The following RTN1 variants were observed in gnomAD, a reference collection of about 807,000 sequenced individuals.
RTN1 encodes reticulon-1.
RTN1 carries 25 observed loss-of-function variants against 65.5 expected under a neutral mutation model. The ratio of observed to expected loss-of-function variants is 0.38; its 90% CI spans 0.28 to 0.53. The LOEUF is 0.53. Among genes scored for constraint, RTN1 ranks in the 20% least tolerant of loss-of-function variants. The probability of loss-of-function intolerance (pLI) is 0.79; values close to 1 mark genes in which losing one functional copy is unlikely to be tolerated. For synonymous variants in RTN1, 471 were observed against 447.6 expected (o/e 1.05, Z -0.66); for missense variants, 983 against 1,025.4 (o/e 0.96, Z 0.57).
At chr14:59,706,624 G>T (rs191871441) in intron 3 of RTN1, among the ~76,000 whole-genome samples, 1 of 152,338 alleles carries the variant, frequency 6.6e-6, no homozygotes, top group East Asian at 1.9e-4. Flanking sequence ...GTGTGCACAC[G>T]TGTGAGCAAA....
intron 3 of RTN1, among the ~76,000 whole-genome samples, chr14:59,653,479 A>AT (rs1883060457): frequency 6.6e-6 from 1 of 152,154 alleles, no homozygotes; most frequent in Non-Finnish European, 1.5e-5. Context: ...CAGAAATAGT[A>AT]AATATTTTGG....
At chr14:59,648,148 A>G (rs188319446) in intron 3 of RTN1, among the ~76,000 whole-genome samples, 28 of 152,336 alleles carry the variant, frequency 1.8e-4, no homozygotes, top group Non-Finnish European at 2.8e-4. Flanking sequence ...ACAGACTATT[A>G]TGAACACCTC....
chr14:59,866,308 T>G (rs190499401), intron 1 of RTN1, among the ~76,000 whole-genome samples: 109 of 152,206 alleles, frequency 7.2e-4, no homozygotes, highest in Non-Finnish European at 1.3e-3. Flanking sequence ...ATAAAAGCTT[T>G]CTGTAATCCT....
rs1215617385 is a variant in RTN1 at position 59,689,794 on chromosome 14, G to A, written c.1765+37125C>T. On this transcript the variant is annotated intron_variant, in intron 3 of 8. Coordinates refer to ENST00000267484, the MANE Select transcript of RTN1 (RefSeq NM_021136.3). ...CTACTATTAGACCAACCTTACAAGC[G>A]ATCTTTGAGAGAGTTCTAAACATAA... is the stretch of plus-strand genomic sequence containing the variant. 3.9e-5 allele frequency among the ~76,000 whole-genome samples: 6 copies of A among 152,066 alleles called. No homozygotes were observed. The South Asian group carries it at 8.3e-4, about 21-fold the overall frequency.
chr14:59,810,586 T>C (rs1410526212), intron 1 of RTN1, among the ~76,000 whole-genome samples: 1 of 152,164 alleles, frequency 6.6e-6, no homozygotes, highest in Non-Finnish European at 1.5e-5. Context: ...CATGGCCTTT[T>C]GGGAGACTAA....
At chr14:59,685,789 C>A (rs1049098470) in intron 3 of RTN1, among the ~76,000 whole-genome samples, 1 of 152,138 alleles carries the variant, frequency 6.6e-6, no homozygotes, top group Admixed American at 6.6e-5. Flanking sequence ...ATACCAATGA[C>A]CTTCTTCAAA....
rs73309664 is a variant in RTN1 at position 59,670,591 on chromosome 14, A to T, written c.1765+56328T>A. On this transcript the variant is annotated intron_variant, in intron 3 of 8. Transcript: ENST00000267484. ...TCAGAAAAACTCACATCTGATGTTA[A>T]ACTTGAAGTGAAAAGAAGTTTGACC... 2.9e-3 allele frequency among the ~76,000 whole-genome samples: 441 copies of T among 152,348 alleles called. 1 individual carries two copies. The highest frequency in any genetic ancestry group is 0.01 in the African/African-American group (432 of 41,582).
chr14:59,603,286 A>C, intron 6 of RTN1, 28 bp from the exon 7 acceptor site: 5 of 1,580,874 alleles, frequency 3.2e-6, no homozygotes, highest in Non-Finnish European at 4.3e-6. Context: ...TATAGTATTA[A>C]AATTCTGAGT....
intron 1 of RTN1, among the ~76,000 whole-genome samples, chr14:59,748,346 T>C (rs1885273381): frequency 6.6e-6 from 1 of 151,992 alleles, no homozygotes; most frequent in African/African-American, 2.4e-5. Flanking sequence ...ACAAAGCCTC[T>C]TCCCTGTTCT....
At chr14:59,682,737 T>TA (rs745866355) in intron 3 of RTN1, among the ~76,000 whole-genome samples, 4 of 152,154 alleles carry the variant, frequency 2.6e-5, no homozygotes, top group Admixed American at 2.0e-4. Context: ...TAAGCATTGC[T>TA]AAAAAAGGCT....
At chr14:59,721,188 C>T (rs1884639725) in intron 3 of RTN1, among the ~76,000 whole-genome samples, 1 of 152,182 alleles carries the variant, frequency 6.6e-6, no homozygotes, top group African/African-American at 2.4e-5. Flanking sequence ...AGCCATCCCA[C>T]AAATCACCCC....
intron 3 of RTN1, among the ~76,000 whole-genome samples, chr14:59,719,112 T>C (rs985895826): frequency 6.6e-6 from 1 of 152,176 alleles, no homozygotes; most frequent in Non-Finnish European, 1.5e-5. Flanking sequence ...CATGTCACTT[T>C]CTAGTTTAAA....
At chr14:59,605,345 G>A (rs765447478) in intron 5 of RTN1, 23 bp downstream of exon 5, 2 of 1,607,184 alleles carry the variant, frequency 1.2e-6, no homozygotes, top group African/African-American at 2.7e-5. Context: ...AGACTGTGAA[G>A]TGAACAGCTT....
Position 59,750,302 on chromosome 14 carries a change from A to C in RTN1, c.242-3821T>G, listed in dbSNP as rs749775256. Among the ~76,000 whole-genome samples, 59 of 39,296 alleles carry C rather than the reference A, an allele frequency of 1.5e-3. 2 individuals carry two copies. The highest frequency in any genetic ancestry group is 1.2e-3 in the African/African-American group (10 of 8,040). The allele number at this position is 39,296 out of a possible 152,430, so 25.8% of individuals were successfully genotyped here. A position where few individuals can be genotyped will look rare whatever the true frequency, so the allele number is the denominator to read the frequency against. ...ATATAATATATATAATATCTATAAT[A>C]TATAATATATAATATCTATAATATA... On this transcript the variant is annotated intron_variant, in intron 1 of 8. Transcript: ENST00000267484.
chr14:59,691,123 A>G (rs1348636087), intron 3 of RTN1, among the ~76,000 whole-genome samples: 1 of 152,098 alleles, frequency 6.6e-6, no homozygotes, highest in Non-Finnish European at 1.5e-5. Flanking sequence ...CCAAAAATCC[A>G]TGCAAACCTA....
At chr14:59,805,445 G>C (rs2139605874) in intron 1 of RTN1, among the ~76,000 whole-genome samples, 1 of 152,260 alleles carries the variant, frequency 6.6e-6, no homozygotes, top group Non-Finnish European at 1.5e-5. Flanking sequence ...GCTATGTCTG[G>C]CCAGGTCTCT....
chr14:59,670,294 G>T lies in RTN1; in HGVS notation c.1765+56625C>A, dbSNP rs556853639. Among the ~76,000 whole-genome samples, 12 of 152,174 alleles carry T rather than the reference G, an allele frequency of 7.9e-5. No homozygotes were observed. The South Asian group carries it at 2.3e-3, about 29-fold the overall frequency. On this transcript the variant is annotated intron_variant, in intron 3 of 8. Coordinates refer to ENST00000267484, the MANE Select transcript of RTN1 (RefSeq NM_021136.3). Reference sequence around the variant, plus strand: ...ATTTATAGCCCAGCAGTAAATTTTTGCAAACAAATGCAATTTTGCAAACCA... The same window carrying T: ...ATTTATAGCCCAGCAGTAAATTTTTTCAAACAAATGCAATTTTGCAAACCA...
intron 2 of RTN1, among the ~76,000 whole-genome samples, chr14:59,729,980 TTCCTCTTGG>T (rs1043277739): frequency 2.6e-5 from 4 of 152,224 alleles, no homozygotes; most frequent in Non-Finnish European, 4.4e-5. Flanking sequence ...ACGCTGTTCC[TTCCTCTTGG>T]TCTTTAGGTC....
chr14:59,761,335 A>G (rs1454830457), intron 1 of RTN1, among the ~76,000 whole-genome samples: 1 of 152,124 alleles, frequency 6.6e-6, no homozygotes, highest in African/African-American at 2.4e-5. Flanking sequence ...TTTCCCCCGT[A>G]CTGTTCTCGT....
Sources: gnomAD v4.1 joint callset for allele counts (sites outside exome capture counted in the v4.1 genomes callset) on GRCh38, gnomAD v4.1.1 for gene constraint, MANE v1.5 for transcripts, NCBI Gene and HGNC (gene_info 2026-07-23, HGNC 2026-07-21) for gene names.